PDE4B: variants seen among roughly 807,000 people sequenced by gnomAD.
PDE4B encodes phosphodiesterase 4B, also known as 3',5'-cyclic-AMP phosphodiesterase 4B.
In PDE4B, 20 loss-of-function variants were observed where a neutral mutation model predicts 82.2. The ratio of observed to expected loss-of-function variants is 0.24; its 90% confidence interval spans 0.17 to 0.35. The LOEUF is 0.35. PDE4B is among the 10% of genes least tolerant of loss of function. The probability of loss-of-function intolerance (pLI) is 1.00; values close to 1 mark genes in which losing one functional copy is unlikely to be tolerated. For synonymous variants in PDE4B, 320 were observed against 318.9 expected, an observed-to-expected ratio of 1.00 and a Z score of -0.04; for missense variants, 655 against 907.2, an observed-to-expected ratio of 0.72 and a Z score of 3.57.
intron 10 of PDE4B, 88 bp downstream of exon 10, chr1:66,361,881 G>A: frequency 9.4e-7 from 1 of 1,058,826 alleles, no homozygotes; most frequent in Non-Finnish European, 1.3e-6. Flanking sequence ...AGTATGGATT[G>A]CTTTTGCATT....
rs149152295 is a variant in PDE4B at position 66,015,896 on chromosome 1, G to A, written c.281+97061G>A. Among the ~76,000 whole-genome samples the A allele has an allele frequency of 3.0e-3, 450 of 152,210 alleles. 3 individuals are homozygous for A. The highest frequency in any genetic ancestry group is 0.01 in the African/African-American group (423 of 41,510). ...GTTCACGTTATCAATTACTGTTTAA[G>A]TATTTATTTATTCACTTTTCAAAAA... On this transcript the variant is annotated intron_variant, in intron 3 of 16. Transcript: ENST00000341517.
intron 13 of PDE4B, among the ~76,000 whole-genome samples, chr1:66,366,395 T>C (rs892290486): frequency 9.2e-5 from 14 of 152,150 alleles, no homozygotes; most frequent in African/African-American, 3.4e-4. Flanking sequence ...GCTTAAAATG[T>C]TTAGTTTTCA....
intron 7 of PDE4B, among the ~76,000 whole-genome samples, chr1:66,281,858 G>C (rs1480575566): frequency 1.3e-5 from 2 of 152,126 alleles, no homozygotes; most frequent in East Asian, 3.9e-4. Context: ...ATGCCTCCAT[G>C]AATGTAACTA....
chr1:65,988,018 C>A (rs907419732), intron 3 of PDE4B, among the ~76,000 whole-genome samples: 2 of 152,342 alleles, frequency 1.3e-5, no homozygotes, highest in Middle Eastern at 3.4e-3. Context: ...CATAGTCTAT[C>A]CCAAATTCCA....
chr1:65,982,981 T>C (rs901750118), intron 3 of PDE4B, among the ~76,000 whole-genome samples: 4 of 152,164 alleles, frequency 2.6e-5, no homozygotes, highest in African/African-American at 9.7e-5. Flanking sequence ...GTCTGGCCAC[T>C]AATGCTCAGG....
chr1:66,294,191 G>A (rs1231275890), intron 7 of PDE4B, among the ~76,000 whole-genome samples: 2 of 151,892 alleles, frequency 1.3e-5, no homozygotes, highest in East Asian at 1.9e-4. Context: ...GGGTGACACA[G>A]CAATACTCCG....
At chr1:65,958,329 C>G (rs1440446085) in intron 3 of PDE4B, among the ~76,000 whole-genome samples, 3 of 151,680 alleles carry the variant, frequency 2.0e-5, no homozygotes, top group Non-Finnish European at 4.4e-5. Flanking sequence ...TCAACTTGGT[C>G]AAGATATATT....
At chr1:65,894,828 T>C (rs1178169513) in intron 1 of PDE4B, among the ~76,000 whole-genome samples, 4 of 152,084 alleles carry the variant, frequency 2.6e-5, no homozygotes, top group Non-Finnish European at 4.4e-5. Flanking sequence ...ACTACTATAC[T>C]CCCACTAGAG....
At chr1:66,071,732 T>G (rs1449343470) in intron 3 of PDE4B, among the ~76,000 whole-genome samples, 2 of 152,098 alleles carry the variant, frequency 1.3e-5, no homozygotes, top group Non-Finnish European at 2.9e-5. Flanking sequence ...TATGACAGAT[T>G]TTTTGTATCT....
intron 3 of PDE4B, among the ~76,000 whole-genome samples, chr1:66,137,489 G>T (rs1465204184): frequency 6.6e-6 from 1 of 152,204 alleles, no homozygotes; most frequent in Non-Finnish European, 1.5e-5. Flanking sequence ...ACCAGGATCT[G>T]AGTCACTTCT....
chr1:66,148,907 T>C (rs1236216022), intron 3 of PDE4B, among the ~76,000 whole-genome samples: 1 of 152,248 alleles, frequency 6.6e-6, no homozygotes, highest in African/African-American at 2.4e-5. Context: ...CACTCATCAG[T>C]TGATGAACAT....
At chr1:65,851,049 G>T (rs963327369) in intron 1 of PDE4B, among the ~76,000 whole-genome samples, 19 of 152,096 alleles carry the variant, frequency 1.2e-4, no homozygotes, top group African/African-American at 4.1e-4. Flanking sequence ...ATGCTCAATT[G>T]TTCTAGCAAC....
chr1:65,869,663 G>A (rs961879606), intron 1 of PDE4B, among the ~76,000 whole-genome samples: 4 of 152,110 alleles, frequency 2.6e-5, no homozygotes, highest in East Asian at 1.9e-4. Context: ...GATGGTTTGC[G>A]TACATTTGTT....
chr1:65,955,096 GTTA>G (rs1383973658), intron 3 of PDE4B, among the ~76,000 whole-genome samples: 2 of 152,080 alleles, frequency 1.3e-5, no homozygotes, highest in Non-Finnish European at 2.9e-5. Context: ...AAAATGGTGT[GTTA>G]TTATACAAGA....
At chr1:66,172,142 G>A (rs545564687) in intron 3 of PDE4B, among the ~76,000 whole-genome samples, 2 of 151,998 alleles carry the variant, frequency 1.3e-5, no homozygotes, top group African/African-American at 4.8e-5. Flanking sequence ...TATTATTCCT[G>A]TCTTTGTGTC....
intron 3 of PDE4B, among the ~76,000 whole-genome samples, chr1:66,075,919 CAAAACAAAA>C (rs58300624): frequency 0.78 from 116,270 of 149,916 alleles, 45,069 homozygotes; most frequent in Non-Finnish European, 0.83. Flanking sequence ...CAAAACAAAA[CAAAACAAAA>C]AAAACAAAAC....
At position 66,332,633 on chromosome 1, in the gene PDE4B, C is replaced by A; in HGVS notation, c.747+13C>A. On this transcript the variant is annotated intron_variant, in intron 8 of 16. Coordinates refer to ENST00000341517, the MANE Select transcript of PDE4B (RefSeq NM_002600.4). ...GGCTTCTAACAAGGTAAGAGATGAT[C>A]TTTTTATTCATTAAAGTGTGATCAT... 1 of 1,611,374 alleles carries A rather than the reference C, an allele frequency of 6.2e-7. No individual in the cohort carries two copies. Among genetic ancestry groups the A allele is most frequent in the South Asian group, 1.1e-5 (1 of 90,810 alleles).
intron 3 of PDE4B, among the ~76,000 whole-genome samples, chr1:66,177,084 GGTGA>G (rs1467950200): frequency 6.6e-6 from 1 of 152,224 alleles, no homozygotes; most frequent in African/African-American, 2.4e-5. Context: ...TCACAGAGGA[GGTGA>G]CATTTGACTT....
At chr1:66,066,548 G>A (rs1244568127) in intron 3 of PDE4B, among the ~76,000 whole-genome samples, 1 of 151,854 alleles carries the variant, frequency 6.6e-6, no homozygotes, top group African/African-American at 2.4e-5. Flanking sequence ...CATGTGACGT[G>A]CCAACATTTA....
Sources: allele counts gnomAD v4.1 joint callset (sites outside exome capture counted in the v4.1 genomes callset), GRCh38; gene constraint gnomAD v4.1.1; transcripts MANE v1.5; gene names NCBI Gene and HGNC (gene_info 2026-07-23, HGNC 2026-07-21).